Variants in MSANTD4 observed in about 807,000 individuals in gnomAD.
MSANTD4 encodes Myb/SANT DNA binding domain containing 4 with coiled-coils, also known as myb/SANT-like DNA-binding domain-containing protein 4.
In MSANTD4, 13 loss-of-function variants were observed where a neutral mutation model predicts 34.3. The observed-to-expected ratio is 0.38, with a 90% confidence interval of 0.25 to 0.60. The LOEUF is 0.60. MSANTD4 is among the 20% of genes least tolerant of loss of function. The pLI is 0.63. For missense variants in MSANTD4, 358 were observed against 401.8 expected (o/e 0.89, Z 0.93); for synonymous variants, 137 against 145.2 (o/e 0.94, Z 0.41).
intron 1 of MSANTD4, among the ~76,000 whole-genome samples, chr11:106,017,206 G>T (rs1859876055): frequency 6.6e-6 from 1 of 152,140 alleles, no homozygotes; most frequent in Admixed American, 6.5e-5. Flanking sequence ...GTTGATGCAA[G>T]CCAACAAAAT....
Position 106,010,668 on chromosome 11 carries a change from T to A in MSANTD4, c.250A>T (p.Arg84Trp). The A allele has an allele frequency of 6.2e-7, 1 of 1,614,210 alleles. No homozygotes were observed. Among genetic ancestry groups the A allele is most frequent in the Non-Finnish European group, 8.5e-7 (1 of 1,180,026 alleles). Reference sequence around the variant, plus strand: ...ACCAGCTTAATGTTGGCCTTCATCCTCTTTCTCTTCATAAGTGCTCGCCAG... The same window carrying A: ...ACCAGCTTAATGTTGGCCTTCATCCACTTTCTCTTCATAAGTGCTCGCCAG... Reference protein sequence around the residue: ...LDWRALMKRKRMKANIKLVGS... With the variant: ...LDWRALMKRKWMKANIKLVGS... Residue 84 changes from arginine to tryptophan, a missense_variant, in exon 2 of 3, where the codon AGG (arginine) becomes TGG (tryptophan). Around this residue, in one of 2 missense-constraint regions of MSANTD4, gnomAD observed 312 missense variants for 317.6 expected, o/e 0.98. Coordinates refer to ENST00000301919, the MANE Select transcript of MSANTD4 (RefSeq NM_032424.3).
chr11:106,018,014 C>T (rs1469236161), intron 1 of MSANTD4, among the ~76,000 whole-genome samples: 2 of 152,006 alleles, frequency 1.3e-5, no homozygotes, highest in African/African-American at 4.8e-5. Flanking sequence ...ATGACGTCCT[C>T]GGACCGCATC....
intron 1 of MSANTD4, among the ~76,000 whole-genome samples, chr11:106,014,380 C>T (rs1165543820): frequency 6.6e-6 from 1 of 152,196 alleles, no homozygotes; most frequent in Non-Finnish European, 1.5e-5. Flanking sequence ...TCAAGAATCA[C>T]TGTTTGCTCA....
At chr11:106,018,784 T>A (rs1859937259) in intron 1 of MSANTD4, among the ~76,000 whole-genome samples, 1 of 152,154 alleles carries the variant, frequency 6.6e-6, no homozygotes, top group Non-Finnish European at 1.5e-5. Context: ...TGGAAACACA[T>A]CAAAAGAATG....
chr11:106,009,804 G>C lies in MSANTD4; in HGVS notation c.769C>G (p.Leu257Val). ...CTCAACTTTTCTCTTTCAATCTGCA[G>C]CCGCTCCTTCTCTAGCTGAAGCCGC... ...HERLQLEKER[L>V]QIEREKLRLQ... is the part of the protein sequence containing the mutation. The change falls in exon 3 of 3, where the codon CTG becomes GTG. Residue 257 changes from leucine to valine, a missense_variant. By Grantham distance (32) the Leu-to-Val change is conservative. Transcript: ENST00000301919. 6.2e-7 allele frequency: 1 copy of C among 1,614,098 alleles called. No homozygotes were observed. Among genetic ancestry groups the C allele is most frequent in the Non-Finnish European group, 8.5e-7 (1 of 1,180,022 alleles).
In MSANTD4 at chr11:106,010,008, G is replaced by A. The variant is rs1172456546; in HGVS notation, c.565C>T (p.Leu189Phe). The A allele has an allele frequency of 6.2e-7, 1 of 1,606,190 alleles. No homozygotes were observed. Among genetic ancestry groups the A allele is most frequent in the Non-Finnish European group, 8.5e-7 (1 of 1,179,872 alleles). Reference protein sequence around the residue: ...DFPHIDEFFTLNSTPSRSAYD... With the variant: ...DFPHIDEFFTFNSTPSRSAYD... Reference sequence around the variant, plus strand: ...GCAGATCTAGATGGTGTTGAGTTAAGGGTAAAAAACTCATCAATGTGGGGG... The same window carrying A: ...GCAGATCTAGATGGTGTTGAGTTAAAGGTAAAAAACTCATCAATGTGGGGG... The change falls in exon 3 of 3, where the codon CTT (leucine) becomes TTT (phenylalanine). Residue 189 changes from leucine to phenylalanine, a missense_variant. Physicochemically the swap from Leu to Phe is conservative, Grantham distance 22. This residue lies in a region of MSANTD4 where 312 missense variants were observed against 317.6 expected (regional missense o/e 0.98). Coordinates refer to ENST00000301919, the MANE Select transcript of MSANTD4 (RefSeq NM_032424.3).
rs1859592954 is a variant in MSANTD4 at position 106,008,549 on chromosome 11, TG to T, written c.*985del. ...TCCCCACCTACCCCCTACTCCCAAA[TG>T]GCTGCTATTACTTATTTTAAAAGTC... is the stretch of plus-strand genomic sequence containing the variant. On this transcript the variant is annotated 3_prime_UTR_variant, in exon 3 of 3. Transcript: ENST00000301919. 1 of 152,204 alleles carries T rather than the reference TG, an allele frequency of 6.6e-6. No homozygotes were observed. The highest frequency in any genetic ancestry group is 2.4e-5 in the African/African-American group (1 of 41,422). The allele number at this position is 152,204 out of a possible 1,614,324, so 9.4% of individuals were successfully genotyped here.
At chr11:106,017,092 G>A (rs1859872907) in intron 1 of MSANTD4, among the ~76,000 whole-genome samples, 1 of 152,064 alleles carries the variant, frequency 6.6e-6, no homozygotes, top group South Asian at 2.1e-4. Flanking sequence ...TTATCAAAAG[G>A]GGACTGGATG....
Position 106,010,616 on chromosome 11 carries a change from G to A in MSANTD4, c.302C>T (p.Ser101Phe). The change falls in exon 2 of 3, where the codon TCT becomes TTT. Residue 101 changes from serine to phenylalanine, a missense_variant. Ser to Phe is a radical substitution (Grantham distance 155). Coordinates refer to ENST00000301919, the MANE Select transcript of MSANTD4 (RefSeq NM_032424.3). ...LVGSGFPLPS[S>F]DLDDSLTEEI... ...TTCAGTGAGAGAGTCATCCAAATCA[G>A]AGGAGGGAAGGGGAAATCCTGAACC... is the stretch of plus-strand genomic sequence containing the variant. 1 of 1,614,158 alleles carries A rather than the reference G, an allele frequency of 6.2e-7. No individual in the cohort carries two copies. Among genetic ancestry groups the A allele is most frequent in the South Asian group, 1.1e-5 (1 of 91,082 alleles).
intron 1 of MSANTD4, among the ~76,000 whole-genome samples, chr11:106,018,807 G>A (rs1859937939): frequency 6.6e-6 from 1 of 152,166 alleles, no homozygotes; most frequent in Non-Finnish European, 1.5e-5. Context: ...TGAAAGCTTA[G>A]GTGATTTAGA....
chr11:106,008,969 C>T lies in MSANTD4; in HGVS notation c.*566G>A, dbSNP rs1207627825. ...TTAAAGTTTTTGGCCATTTAAGTAC[C>T]TACCCACATAAATATCTGAGGTTTT... On this transcript the variant is annotated 3_prime_UTR_variant, in exon 3 of 3. Coordinates refer to ENST00000301919, the MANE Select transcript of MSANTD4 (RefSeq NM_032424.3). 2.0e-5 allele frequency: 3 copies of T among 152,192 alleles called. No homozygotes were observed. Among genetic ancestry groups the T allele is most frequent in the Admixed American group, 1.3e-4 (2 of 15,284 alleles). The allele number at this position is 152,192 out of a possible 1,614,324, so 9.4% of individuals were successfully genotyped here.
chr11:106,010,026 T>A lies in MSANTD4; in HGVS notation c.547A>T (p.Ile183Phe), dbSNP rs372457954. 3 of 1,603,442 alleles carry A rather than the reference T, an allele frequency of 1.9e-6. No individual in the cohort carries two copies. Among genetic ancestry groups the A allele is most frequent in the Non-Finnish European group, 2.5e-6 (3 of 1,179,812 alleles). Residue 183 changes from isoleucine to phenylalanine, a missense_variant, in exon 3 of 3, where the codon ATT becomes TTT. By Grantham distance (21) the Ile-to-Phe change is conservative. This residue lies in a region of MSANTD4 where 312 missense variants were observed against 317.6 expected (regional missense o/e 0.98). Coordinates refer to ENST00000301919, the MANE Select transcript of MSANTD4 (RefSeq NM_032424.3). ...RENELPDFPH[I>F]DEFFTLNSTP... is the part of the protein sequence containing the mutation. ...GAGTTAAGGGTAAAAAACTCATCAATGTGGGGGAAATCGGGAAGTTCATTT... is the reference window on the plus strand; with the variant it reads ...GAGTTAAGGGTAAAAAACTCATCAAAGTGGGGGAAATCGGGAAGTTCATTT...
In MSANTD4 at chr11:106,008,468, A is replaced by C. The variant is rs1366123846; in HGVS notation, c.*1067T>G. 6.6e-6 allele frequency: 1 copy of C among 152,202 alleles called. No individual in the cohort carries two copies. Among genetic ancestry groups the C allele is most frequent in the East Asian group, 1.9e-4 (1 of 5,198 alleles). The allele number at this position is 152,202 out of a possible 1,614,324, so 9.4% of individuals were successfully genotyped here. A position where few individuals can be genotyped will look rare whatever the true frequency, so the allele number is the denominator to read the frequency against. ...GTAATAAGTGCTTCTCCAATCCATA[A>C]TACATACCTACTATCATTATTTCAA... On this transcript the variant is annotated 3_prime_UTR_variant, in exon 3 of 3. Coordinates refer to ENST00000301919, the MANE Select transcript of MSANTD4 (RefSeq NM_032424.3).
chr11:106,020,731 C>T (rs1469391540), intron 1 of MSANTD4, among the ~76,000 whole-genome samples: 2 of 152,118 alleles, frequency 1.3e-5, no homozygotes, highest in African/African-American at 4.8e-5. Context: ...AAGTGGTATC[C>T]CGTTGTCCTG....
intron 1 of MSANTD4, 81 bp downstream of exon 1, chr11:106,020,881 C>T (rs1030598690): frequency 2.6e-5 from 4 of 152,296 alleles, no homozygotes; most frequent in Admixed American, 6.5e-5. Context: ...TCTTCTAAAA[C>T]CTTGATATTT....
In MSANTD4 at chr11:106,009,510, T is replaced by C. The variant is rs755782655; in HGVS notation, c.*25A>G. On this transcript the variant is annotated 3_prime_UTR_variant, in exon 3 of 3. Transcript: ENST00000301919. ...GAGAAAAATCTAGAGTTTTCAAACA[T>C]TTGCTAAATGGAAGCCTGGAAAAAT... The C allele has an allele frequency of 3.2e-6, 5 of 1,563,534 alleles. No individual in the cohort carries two copies. In the South Asian group the frequency reaches 4.8e-5, roughly 15 times the overall value.
intron 1 of MSANTD4, among the ~76,000 whole-genome samples, chr11:106,012,883 T>C (rs1464151334): frequency 1.3e-5 from 2 of 152,112 alleles, no homozygotes; most frequent in African/African-American, 4.8e-5. Context: ...CTCACTGCAA[T>C]GGATTGGGGA....
chr11:106,011,520 C>T (rs1197918746), intron 1 of MSANTD4, among the ~76,000 whole-genome samples: 2 of 152,208 alleles, frequency 1.3e-5, no homozygotes, highest in Non-Finnish European at 2.9e-5. Context: ...GATTAAGCAT[C>T]CGTTTCTCAG....
chr11:106,020,635 A>G lies in MSANTD4; in HGVS notation c.-151+327T>C, dbSNP rs1372623052. 6.6e-5 allele frequency among the ~76,000 whole-genome samples: 10 copies of G among 152,178 alleles called. No individual in the cohort carries two copies. The East Asian group carries it at 1.3e-3, about 20-fold the overall frequency. Reference sequence around the variant, plus strand: ...CCTTTTGAAGTACCACTGAGTCAATATATTTTTAAAGTTTGACAGCAGCTG... The same window carrying G: ...CCTTTTGAAGTACCACTGAGTCAATGTATTTTTAAAGTTTGACAGCAGCTG... On this transcript the variant is annotated intron_variant, in intron 1 of 2. Transcript: ENST00000301919.
Sources: gnomAD v4.1 joint callset for allele counts (sites outside exome capture counted in the v4.1 genomes callset) on GRCh38, gnomAD v4.1.1 for gene constraint, gnomAD v4.1.1 regional missense constraint, MANE v1.5 for transcripts, NCBI Gene and HGNC (gene_info 2026-07-23, HGNC 2026-07-21) for gene names.